FOXP1: variants seen among roughly 807,000 people sequenced by gnomAD.
The protein encoded by FOXP1 is forkhead box protein P1.
Under a neutral mutation model 98.2 loss-of-function variants are expected in FOXP1, and 15 were observed. That is an observed-to-expected ratio of 0.15 (90% CI 0.10 to 0.24). The LOEUF is 0.24. Among genes scored for constraint, FOXP1 ranks in the 10% least tolerant of loss-of-function variants. The probability of loss-of-function intolerance (pLI) is 1.00; values close to 1 mark genes in which losing one functional copy is unlikely to be tolerated. For synonymous variants in FOXP1, 371 were observed against 314.5 expected (o/e 1.18, Z -1.90); for missense variants, 633 against 848.5 (o/e 0.75, Z 3.15).
At chr3:71,303,451 C>G (rs1018333128) in intron 4 of FOXP1, among the ~76,000 whole-genome samples, 12 of 152,148 alleles carry the variant, frequency 7.9e-5, no homozygotes, top group African/African-American at 2.9e-4. Flanking sequence ...CCCCCAAATC[C>G]TCCAATCAAA....
chr3:71,124,107 A>G (rs73121524), intron 6 of FOXP1, among the ~76,000 whole-genome samples: 2,008 of 150,188 alleles, frequency 0.013, 30 homozygotes, highest in Non-Finnish European at 0.019. Flanking sequence ...ACATGTACCC[A>G]TGAATTTAAA....
At chr3:71,246,375 G>A (rs1020544286) in intron 5 of FOXP1, among the ~76,000 whole-genome samples, 1 of 152,292 alleles carries the variant, frequency 6.6e-6, no homozygotes, top group East Asian at 1.9e-4. Flanking sequence ...CAGGCAGGGG[G>A]ATAAATGATA....
At chr3:71,544,465 A>G (rs542329219) in intron 2 of FOXP1, among the ~76,000 whole-genome samples, 5 of 152,308 alleles carry the variant, frequency 3.3e-5, no homozygotes, top group Non-Finnish European at 5.9e-5. Context: ...AAGTACTACA[A>G]GTGAACAAAG....
intron 5 of FOXP1, among the ~76,000 whole-genome samples, chr3:71,234,515 G>T (rs1027340606): frequency 1.3e-5 from 2 of 152,222 alleles, no homozygotes; most frequent in African/African-American, 4.8e-5. Flanking sequence ...ACCGCCTACA[G>T]AAAGTTTCGT....
At chr3:71,441,189 C>G (rs779672977) in intron 3 of FOXP1, among the ~76,000 whole-genome samples, 5 of 152,208 alleles carry the variant, frequency 3.3e-5, no homozygotes, top group African/African-American at 4.8e-5. Flanking sequence ...AATCATGGCA[C>G]AACTCCCTAG....
Position 71,324,144 on chromosome 3 carries a change from G to T in FOXP1, c.-72-24264C>A, listed in dbSNP as rs140262527. On this transcript the variant is annotated intron_variant, in intron 4 of 20. Transcript: ENST00000649528. ...GAGATTATATTATTCAGAAAATATA[G>T]ATTCCCAAAATTAGATACATATATT... Among the ~76,000 whole-genome samples the T allele has an allele frequency of 5.5e-3, 833 of 151,978 alleles. 9 individuals are homozygous for T. The highest frequency in any genetic ancestry group is 0.02 in the African/African-American group (810 of 41,444).
Position 71,425,754 on chromosome 3 carries a change from C to T in FOXP1, c.-167-66510G>A, listed in dbSNP as rs1202854249. Among the ~76,000 whole-genome samples, 4 of 151,562 alleles carry T rather than the reference C, an allele frequency of 2.6e-5. No individual in the cohort carries two copies. The East Asian group carries it at 7.7e-4, about 29-fold the overall frequency. Reference sequence around the variant, plus strand: ...CAAACCACTTAAAAAAAAAAAAGAACTGAAAAAGACATGAGATTTATGAGT... The same window carrying T: ...CAAACCACTTAAAAAAAAAAAAGAATTGAAAAAGACATGAGATTTATGAGT... On this transcript the variant is annotated intron_variant, in intron 3 of 20. Transcript: ENST00000649528.
chr3:71,406,405 G>GTATGTATA (rs2082336447), intron 3 of FOXP1, among the ~76,000 whole-genome samples: 5 of 106,002 alleles, frequency 4.7e-5, no homozygotes, highest in African/African-American at 6.2e-5. Flanking sequence ...AACTGTATGT[G>GTATGTATA]TATATATATA....
intron 6 of FOXP1, among the ~76,000 whole-genome samples, chr3:71,128,045 G>A (rs939525073): frequency 6.6e-6 from 1 of 152,138 alleles, no homozygotes; most frequent in Non-Finnish European, 1.5e-5. Context: ...TCCCTTCTGT[G>A]TGCATATTTT....
chr3:70,975,235 C>G (rs2037248842), intron 17 of FOXP1, among the ~76,000 whole-genome samples: 2 of 152,184 alleles, frequency 1.3e-5, no homozygotes, highest in African/African-American at 2.4e-5. Context: ...AAAAGGCAAT[C>G]TGAAGAAAAT....
At chr3:71,223,054 C>T (rs754586259) in intron 5 of FOXP1, among the ~76,000 whole-genome samples, 7 of 152,146 alleles carry the variant, frequency 4.6e-5, no homozygotes, top group Non-Finnish European at 8.8e-5. Context: ...CTCCTGAAAT[C>T]CTCAAAGAAC....
At chr3:70,972,940 C>G (rs181116707) in intron 17 of FOXP1, among the ~76,000 whole-genome samples, 1 of 152,324 alleles carries the variant, frequency 6.6e-6, no homozygotes, top group East Asian at 1.9e-4. Context: ...AATATGCATA[C>G]AAGCCCAAAA....
intron 5 of FOXP1, among the ~76,000 whole-genome samples, chr3:71,240,396 C>G (rs761197981): frequency 7.9e-5 from 12 of 152,146 alleles, no homozygotes; most frequent in Non-Finnish European, 8.8e-5. Flanking sequence ...CAGCGATGGG[C>G]CTACAAATGG....
At chr3:71,223,708 A>G (rs939855904) in intron 5 of FOXP1, among the ~76,000 whole-genome samples, 4 of 152,068 alleles carry the variant, frequency 2.6e-5, no homozygotes, top group Admixed American at 6.5e-5. Context: ...AAAAAAAAAA[A>G]AAAAGAAAAT....
At chr3:71,207,095 C>T (rs2064097349) in intron 5 of FOXP1, among the ~76,000 whole-genome samples, 1 of 151,984 alleles carries the variant, frequency 6.6e-6, no homozygotes, top group African/African-American at 2.4e-5. Context: ...TTCTGGGGAG[C>T]GTAATTAAAA....
chr3:71,319,454 T>TA lies in FOXP1; in HGVS notation c.-72-19575dup, dbSNP rs1448042195. 1.4e-4 allele frequency among the ~76,000 whole-genome samples: 22 copies of TA among 152,220 alleles called. No individual in the cohort carries two copies. In the South Asian group the frequency reaches 4.1e-3, roughly 29 times the overall value. ...ATTCAGAATTCATAGTTCTGAAATT[T>TA]AAAAAAAGATTTAAATTAAACTGAA... On this transcript the variant is annotated intron_variant, in intron 4 of 20. Transcript: ENST00000649528.
chr3:71,210,184 T>G (rs1053106014), intron 5 of FOXP1, among the ~76,000 whole-genome samples: 4 of 152,046 alleles, frequency 2.6e-5, no homozygotes, highest in Non-Finnish European at 5.9e-5. Flanking sequence ...ACAACAGATA[T>G]CCCCCTCCGG....
At chr3:71,424,569 T>C (rs908454217) in intron 3 of FOXP1, among the ~76,000 whole-genome samples, 1 of 151,832 alleles carries the variant, frequency 6.6e-6, no homozygotes, top group Non-Finnish European at 1.5e-5. Context: ...TGCCTAAGAA[T>C]CATAAAATGC....
At chr3:71,183,297 C>T (rs2062441594) in intron 6 of FOXP1, among the ~76,000 whole-genome samples, 1 of 152,062 alleles carries the variant, frequency 6.6e-6, no homozygotes, top group Non-Finnish European at 1.5e-5. Context: ...AGTTCAAGAC[C>T]AGCCTGGCCA....
Sources: gnomAD v4.1 joint callset for allele counts (sites outside exome capture counted in the v4.1 genomes callset) on GRCh38, gnomAD v4.1.1 for gene constraint, MANE v1.5 for transcripts, NCBI Gene and HGNC (gene_info 2026-07-23, HGNC 2026-07-21) for gene names.